ABHD5: variants seen among roughly 807,000 people sequenced by gnomAD.
ABHD5 encodes abhydrolase domain containing 5, lysophosphatidic acid acyltransferase.
A neutral mutation model predicts 44.9 loss-of-function variants in ABHD5; 30 were observed. That is an observed-to-expected ratio of 0.67 (90% CI 0.50 to 0.91). ABHD5 has a LOEUF of 0.91. Among genes scored for constraint, ABHD5 ranks in the 40% least tolerant of loss-of-function variants. The pLI, the probability that ABHD5 is intolerant of heterozygous loss-of-function variation, is 0.00. For missense variants in ABHD5, 399 were observed against 423.4 expected (o/e 0.94, Z 0.50); for synonymous variants, 167 against 147.0 (o/e 1.14, Z -0.99).
chr3:43,713,716 A>T (rs2084718931), intron 4 of ABHD5, among the ~76,000 whole-genome samples: 1 of 152,218 alleles, frequency 6.6e-6, no homozygotes, highest in African/African-American at 2.4e-5. Flanking sequence ...CTGAAATATA[A>T]ATAGATTTTA....
In ABHD5 at chr3:43,711,766, T is replaced by C. The variant is rs368316517; in HGVS notation, c.564T>C (p.Ala188=). Residue 188 remains alanine (A), a synonymous_variant, in exon 4 of 7, where the codon GCT becomes GCC. Coordinates refer to ENST00000644371, the MANE Select transcript of ABHD5 (RefSeq NM_016006.6). ...GTTTCCCTGAACGACCAGACCTTGC[T>C]GATCAAGACAGACCAATTCCAGTTT... ...PWGFPERPDL[A]DQDRPIPVWI... 1 of 1,614,106 alleles carries C rather than the reference T, an allele frequency of 6.2e-7. No homozygotes were observed. Among genetic ancestry groups the C allele is most frequent in the African/African-American group, 1.3e-5 (1 of 74,936 alleles).
chr3:43,706,222 A>G (rs1362292269), intron 3 of ABHD5, among the ~76,000 whole-genome samples: 3 of 152,216 alleles, frequency 2.0e-5, no homozygotes, highest in Non-Finnish European at 4.4e-5. Context: ...GGTATCAACA[A>G]ACAGGTACTG....
chr3:43,708,406 A>C (rs1026174047), intron 3 of ABHD5, among the ~76,000 whole-genome samples: 1 of 152,198 alleles, frequency 6.6e-6, no homozygotes, highest in Non-Finnish European at 1.5e-5. Flanking sequence ...AACTCCTATC[A>C]AGTGAGGAGA....
At chr3:43,711,916 A>C in intron 4 of ABHD5, 53 bp downstream of exon 4, 2 of 1,610,180 alleles carry the variant, frequency 1.2e-6, no homozygotes, top group Non-Finnish European at 1.7e-6. Context: ...TGAGAAGAGC[A>C]GAATTCACTA....
Position 43,720,856 on chromosome 3 carries a change from G to A in ABHD5, c.*2324G>A, listed in dbSNP as rs17075919. The A allele has an allele frequency of 6.6e-6, 1 of 151,654 alleles. No individual in the cohort carries two copies. Among genetic ancestry groups the A allele is most frequent in the African/African-American group, 2.4e-5 (1 of 41,232 alleles). The allele number at this position is 151,654 out of a possible 1,614,324, so 9.4% of individuals were successfully genotyped here. On this transcript the variant is annotated 3_prime_UTR_variant, in exon 7 of 7. Coordinates refer to ENST00000644371, the MANE Select transcript of ABHD5 (RefSeq NM_016006.6). ...TGGCCGCCATACATGGCTTTACCTG[G>A]GTCCATGCATTCCCTTAAGATGACT...
intron 1 of ABHD5, among the ~76,000 whole-genome samples, chr3:43,697,385 G>C (rs1489664410): frequency 6.6e-6 from 1 of 152,020 alleles, no homozygotes; most frequent in African/African-American, 2.4e-5. Context: ...AAATAATTGT[G>C]ATATGGTTCG....
In ABHD5 at chr3:43,715,045, G is replaced by A. The variant is rs780855680; in HGVS notation, c.760G>A (p.Val254Met). ...TVTEYIYHCNVQTPSGETAFK... is the reference protein window; with the variant it reads ...TVTEYIYHCNMQTPSGETAFK... ...GACAGAATACATCTACCACTGTAAT[G>A]TGCAGACTCCAAGGTGAGGGTTAGG... is the stretch of plus-strand genomic sequence containing the variant. The change falls in exon 5 of 7, where the codon GTG becomes ATG. Residue 254 changes from valine (V) to methionine (M), a missense_variant. Val to Met is a conservative substitution (Grantham distance 21, BLOSUM62 1). Coordinates refer to ENST00000644371, the MANE Select transcript of ABHD5 (RefSeq NM_016006.6). 6.2e-7 allele frequency: 1 copy of A among 1,610,892 alleles called. No individual in the cohort carries two copies. Among genetic ancestry groups the A allele is most frequent in the Non-Finnish European group, 8.5e-7 (1 of 1,177,984 alleles).
intron 2 of ABHD5, 135 bp from the exon 3 acceptor site, chr3:43,702,079 TA>T: frequency 1.3e-6 from 1 of 773,998 alleles, no homozygotes; most frequent in Non-Finnish European, 2.0e-6. Flanking sequence ...GTGTACTTTT[TA>T]AAAATAGCTG....
intron 7 of ABHD5, among the ~76,000 whole-genome samples, chr3:43,730,140 G>A (rs1336527339): frequency 2.0e-5 from 3 of 152,240 alleles, no homozygotes; most frequent in Admixed American, 1.3e-4. Flanking sequence ...TAACAACTCA[G>A]TGGGAAAGGT....
At chr3:43,726,396 T>C (rs1299912956), downstream of ABHD5, among the ~76,000 whole-genome samples, 1 of 151,984 alleles carries the variant, frequency 6.6e-6, no homozygotes, top group Non-Finnish European at 1.5e-5. Context: ...GGCACCAGGG[T>C]CAGGGGATAT....
intron 3 of ABHD5, among the ~76,000 whole-genome samples, chr3:43,706,329 C>CTT (rs776670022): frequency 6.6e-6 from 1 of 152,082 alleles, no homozygotes; most frequent in Non-Finnish European, 1.5e-5. Context: ...TTCAGAAAGA[C>CTT]TTTTGGTGGG....
chr3:43,709,132 A>C (rs915551522), intron 3 of ABHD5, among the ~76,000 whole-genome samples: 1 of 152,258 alleles, frequency 6.6e-6, no homozygotes, highest in African/African-American at 2.4e-5. Context: ...GACTAAAAGA[A>C]AATGTGGAAA....
intron 1 of ABHD5, 125 bp downstream of exon 1, chr3:43,691,164 G>T: frequency 2.1e-5 from 21 of 978,884 alleles, no homozygotes; most frequent in South Asian, 2.8e-5. Context: ...CGGCTTCCTC[G>T]ACCCTCCCCG....
At chr3:43,691,084 C>A (rs940620757) in intron 1 of ABHD5, 45 bp downstream of exon 1, 2 of 1,504,768 alleles carry the variant, frequency 1.3e-6, no homozygotes, top group Admixed American at 4.2e-5. Flanking sequence ...CGGCGCGCAC[C>A]CTCCGCGCGG....
intron 3 of ABHD5, among the ~76,000 whole-genome samples, chr3:43,710,058 A>G (rs1209245605): frequency 6.6e-6 from 1 of 151,900 alleles, no homozygotes; most frequent in Non-Finnish European, 1.5e-5. Context: ...AAATAAAAAT[A>G]AAAAGGAATT....
At chr3:43,728,842 C>T (rs574790807) in intron 7 of ABHD5, among the ~76,000 whole-genome samples, 21 of 152,282 alleles carry the variant, frequency 1.4e-4, no homozygotes, top group African/African-American at 1.9e-4. Flanking sequence ...GTAAAGCCTG[C>T]GTGCTTCCTG....
chr3:43,721,580 A>AG lies in ABHD5; in HGVS notation c.*3048_*3049insG, dbSNP rs2084837135. 1 of 151,734 alleles carries AG rather than the reference A, an allele frequency of 6.6e-6. No individual in the cohort carries two copies. Among genetic ancestry groups the AG allele is most frequent in the Non-Finnish European group, 1.5e-5 (1 of 67,914 alleles). 9.4% of individuals were successfully genotyped at this position (151,734 alleles called of 1,614,324 possible). ...GCTCTACCAAAAAAAAAAAAAAAAA[A>AG]AAATTAAGTACCTGGCCTGGGTTCC... is the stretch of plus-strand genomic sequence containing the variant. On this transcript the variant is annotated 3_prime_UTR_variant, in exon 7 of 7. Coordinates refer to ENST00000644371, the MANE Select transcript of ABHD5 (RefSeq NM_016006.6).
chr3:43,726,178 T>TA (rs1315676907), downstream of ABHD5, among the ~76,000 whole-genome samples: 1 of 152,186 alleles, frequency 6.6e-6, no homozygotes, highest in African/African-American at 2.4e-5. Context: ...TCCTAGTTTT[T>TA]AACCTGCGAA....
intron 2 of ABHD5, 192 bp downstream of exon 2, chr3:43,699,553 T>A: frequency 1.7e-6 from 1 of 596,654 alleles, no homozygotes; most frequent in Non-Finnish European, 3.0e-6. Context: ...CTAAAACTTT[T>A]TGGTCTTGGG....
Sources: gnomAD v4.1 joint callset for allele counts (sites outside exome capture counted in the v4.1 genomes callset) on GRCh38, gnomAD v4.1.1 for gene constraint, MANE v1.5 for transcripts, NCBI Gene and HGNC (gene_info 2026-07-23, HGNC 2026-07-21) for gene names.